Variants in ZNF469 observed in about 807,000 individuals in gnomAD.
ZNF469 encodes zinc finger protein 469.
In ZNF469, 1 loss-of-function variant was observed where a neutral mutation model predicts 1.0. That is an observed-to-expected ratio of 1.00 (90% CI 0.35 to 4.73). ZNF469 has a LOEUF of 4.73. Among genes scored for constraint, ZNF469 ranks in the 30% most tolerant of loss-of-function variants. The pLI is 0.16. For synonymous variants in ZNF469, 2,703 were observed against 2,363.4 expected, an observed-to-expected ratio of 1.14 and a Z score of -4.17; for missense variants, 6,100 against 5,356.3, an observed-to-expected ratio of 1.14 and a Z score of -4.33.
intron 1 of ZNF469, among the ~76,000 whole-genome samples, chr16:88,407,940 A>G (rs1905061758): frequency 6.6e-6 from 1 of 152,242 alleles, no homozygotes; most frequent in African/African-American, 2.4e-5. Context: ...CTGCTGCATC[A>G]CGTGAGTGCA....
chr16:88,380,399 T>TG (rs1555514942), upstream of ZNF469, among the ~76,000 whole-genome samples: 1,033 of 104,052 alleles, frequency 9.9e-3, 54 homozygotes, highest in Non-Finnish European at 0.016. Context: ...AGACACGCCC[T>TG]CACACAGACA....
upstream of ZNF469, among the ~76,000 whole-genome samples, chr16:88,380,862 TCA>T (rs200418632): frequency 0.021 from 2,046 of 96,234 alleles, 29 homozygotes; most frequent in East Asian, 0.082. Flanking sequence ...TCACATGCAC[TCA>T]CACACAGTCA....
Position 88,432,527 on chromosome 16 carries a change from GC to G in ZNF469, c.5061del (p.Arg1688GlyfsTer51). 6.5e-7 allele frequency: 1 copy of G among 1,550,372 alleles called. No individual in the cohort carries two copies. Among genetic ancestry groups the G allele is most frequent in the Non-Finnish European group, 8.7e-7 (1 of 1,146,974 alleles). The part of the protein sequence containing the change: ...QEDLVSGAPF[S>X]PRGANFHFQP... Reference sequence around the variant, plus strand: ...GACCTGGTTTCTGGGGCTCCTTTCAGCCCCAGGGGAGCCAACTTCCATTTTC... The same window carrying G: ...GACCTGGTTTCTGGGGCTCCTTTCAGCCCAGGGGAGCCAACTTCCATTTTC... On this transcript the variant is annotated frameshift_variant, in exon 3 of 3. Transcript: ENST00000565624. LOFTEE classifies it low-confidence loss of function (END_TRUNC).
the ZNF469 span, among the ~76,000 whole-genome samples, chr16:88,249,423 C>CTTTTCT: frequency 8.1e-5 from 5 of 61,754 alleles, no homozygotes; most frequent in African/African-American, 3.9e-4. Flanking sequence ...CTTTCTTTTT[C>CTTTTCT]TTTTTCTTTT....
At chr16:88,150,520 T>C in the ZNF469 span, among the ~76,000 whole-genome samples, 1 of 151,934 alleles carries the variant, frequency 6.6e-6, no homozygotes, top group South Asian at 2.1e-4. Context: ...TCCGGAGGGG[T>C]TGCTGATGGC....
chr16:88,291,429 G>A, the ZNF469 span, among the ~76,000 whole-genome samples: 4 of 152,296 alleles, frequency 2.6e-5, no homozygotes, highest in South Asian at 2.1e-4. Flanking sequence ...TCAATAAGAC[G>A]CGTTCATAAA....
chr16:88,431,640 G>A lies in ZNF469; in HGVS notation c.4170G>A (p.Leu1390=). 1.9e-6 allele frequency: 3 copies of A among 1,550,480 alleles called. No homozygotes were observed. Among genetic ancestry groups the A allele is most frequent in the East Asian group, 2.4e-5 (1 of 40,922 alleles). ...HSELFLGPKD[L]AGCFLEELHP... is the part of the protein sequence containing the mutation. ...AGTTGTTCCTCGGACCCAAAGACCT[G>A]GCTGGCTGTTTCCTGGAAGAACTGC... The change falls in exon 3 of 3, where the codon CTG becomes CTA. Residue 1390 remains leucine, a synonymous_variant. Coordinates refer to ENST00000565624, the MANE Select transcript of ZNF469 (RefSeq NM_001367624.2).
the ZNF469 span, among the ~76,000 whole-genome samples, chr16:88,308,050 C>T: frequency 6.6e-6 from 1 of 152,244 alleles, no homozygotes; most frequent in African/African-American, 2.4e-5. Context: ...TTCTTTTGCA[C>T]ATGGATATCC....
chr16:88,130,633 G>A, the ZNF469 span, among the ~76,000 whole-genome samples: 1 of 151,672 alleles, frequency 6.6e-6, no homozygotes, highest in East Asian at 1.9e-4. Context: ...TTGGACCTGG[G>A]AGGCAGAGGT....
chr16:88,274,589 T>G, the ZNF469 span, among the ~76,000 whole-genome samples: 2 of 152,224 alleles, frequency 1.3e-5, no homozygotes, highest in East Asian at 3.9e-4. Context: ...GCAGGCCGTG[T>G]CCTGATTCTG....
chr16:88,382,956 G>C (rs982780914), upstream of ZNF469, among the ~76,000 whole-genome samples: 1 of 151,626 alleles, frequency 6.6e-6, no homozygotes, highest in Non-Finnish European at 1.5e-5. Context: ...GCCTCCGGGG[G>C]GCAGACCCCG....
At chr16:88,361,655 T>C in the ZNF469 span, among the ~76,000 whole-genome samples, 79,720 of 151,876 alleles carry the variant, frequency 0.52, 22,318 homozygotes, top group East Asian at 0.77. Flanking sequence ...CTGTGTCTTG[T>C]CTATTCATTT....
In ZNF469 at chr16:88,427,993, G is replaced by A. The variant is rs1085307628; in HGVS notation, c.523G>A (p.Ala175Thr). Residue 175 changes from alanine to threonine, a missense_variant, in exon 3 of 3, where the codon GCC becomes ACC. Physicochemically the swap from Ala to Thr is moderately conservative, Grantham distance 58. Coordinates refer to ENST00000565624, the MANE Select transcript of ZNF469 (RefSeq NM_001367624.2). ...CCCAAGGACTGAGGCCCAACCCGCC[G>A]CCGAAGAGCTTGGCTTCCACAGGTG... is the stretch of plus-strand genomic sequence containing the variant. ...GLPRTEAQPA[A>T]EELGFHRCFQ... 1.7e-5 allele frequency: 26 copies of A among 1,549,932 alleles called. No homozygotes were observed. The highest frequency in any genetic ancestry group is 5.9e-5 in the Admixed American group (3 of 50,990).
At chr16:88,312,678 T>C in the ZNF469 span, among the ~76,000 whole-genome samples, 2 of 152,206 alleles carry the variant, frequency 1.3e-5, no homozygotes, top group Non-Finnish European at 2.9e-5. Context: ...TGCCCTTAAG[T>C]CTTTGATTTG....
the ZNF469 span, among the ~76,000 whole-genome samples, chr16:88,170,830 G>A: frequency 6.6e-6 from 1 of 152,056 alleles, no homozygotes; most frequent in Non-Finnish European, 1.5e-5. The surrounding 1 kb of genome is among the most constrained non-coding windows in gnomAD (Gnocchi z 4.2). Context: ...ATTTTTTGAG[G>A]AACCTGCATA....
the ZNF469 span, among the ~76,000 whole-genome samples, chr16:88,123,339 A>G: frequency 3.3e-5 from 5 of 152,162 alleles, no homozygotes; most frequent in African/African-American, 4.8e-5. Flanking sequence ...TCAGAAGGTC[A>G]TTCCTTTTAT....
the ZNF469 span, among the ~76,000 whole-genome samples, chr16:88,184,329 G>T: frequency 6.6e-6 from 1 of 152,152 alleles, no homozygotes; most frequent in Non-Finnish European, 1.5e-5. Flanking sequence ...GCACAGCAGT[G>T]CAGCCCCTGC....
At chr16:88,275,501 C>T in the ZNF469 span, among the ~76,000 whole-genome samples, 37 of 152,312 alleles carry the variant, frequency 2.4e-4, no homozygotes, top group African/African-American at 8.2e-4. Flanking sequence ...CTGCCGCCAC[C>T]CACCTTCCGG....
chr16:88,323,837 A>G, the ZNF469 span, among the ~76,000 whole-genome samples: 1 of 152,308 alleles, frequency 6.6e-6, no homozygotes. Flanking sequence ...ATCCCCCTGC[A>G]AAAGGGTGTT....
Sources: allele counts gnomAD v4.1 joint callset (sites outside exome capture counted in the v4.1 genomes callset), GRCh38; gene constraint gnomAD v4.1.1; non-coding constraint Gnocchi (gnomAD v3.1); transcripts MANE v1.5; gene names NCBI Gene and HGNC (gene_info 2026-07-23, HGNC 2026-07-21).